Variants in IQCH observed in about 807,000 individuals in gnomAD.
IQCH encodes IQ motif containing H, also known as IQ domain-containing protein H.
IQCH carries 98 observed loss-of-function variants against 117.0 expected under a neutral mutation model. That is an observed-to-expected ratio of 0.84 (90% confidence interval 0.71 to 0.99). The LOEUF (loss-of-function observed/expected upper bound fraction) is 0.99, where lower values mean the gene tolerates loss of function less well. Among genes scored for constraint, IQCH ranks in the 50% least tolerant of loss-of-function variants. The pLI is 0.00. For missense variants in IQCH, 1,102 were observed against 1,243.8 expected (o/e 0.89, Z 1.72); for synonymous variants, 412 against 448.2 (o/e 0.92, Z 1.02).
chr15:67,368,925 A>T (rs1970426052), intron 8 of IQCH, among the ~76,000 whole-genome samples: 1 of 152,092 alleles, frequency 6.6e-6, no homozygotes, highest in Admixed American at 6.5e-5. Flanking sequence ...TCACTCTGTC[A>T]CCCAGGCTGG....
intron 1 of IQCH, 125 bp downstream of exon 1, chr15:67,255,072 G>T (rs1054264710): frequency 8.5e-6 from 8 of 940,082 alleles, no homozygotes; most frequent in Non-Finnish European, 1.4e-5. Flanking sequence ...TCCAACTCGC[G>T]AGAGGCTCCC....
intron 1 of IQCH, among the ~76,000 whole-genome samples, chr15:67,256,712 G>C (rs1855101300): frequency 6.6e-6 from 1 of 152,140 alleles, no homozygotes; most frequent in South Asian, 2.1e-4. Flanking sequence ...TATAGTAATA[G>C]ATAACTGTTG....
intron 4 of IQCH, among the ~76,000 whole-genome samples, chr15:67,312,848 T>C (rs1269213496): frequency 6.6e-6 from 1 of 152,184 alleles, no homozygotes; most frequent in Non-Finnish European, 1.5e-5. Context: ...GTTCTTGAGA[T>C]GAATAAATAC....
chr15:67,438,258 C>A (rs972012946), intron 16 of IQCH, among the ~76,000 whole-genome samples: 2 of 152,126 alleles, frequency 1.3e-5, no homozygotes, highest in Non-Finnish European at 2.9e-5. Flanking sequence ...CCTCCTCAAA[C>A]AAAACAATTA....
rs571037562 is a variant in IQCH at position 67,454,404 on chromosome 15, G to A, written c.2506-10723G>A. On this transcript the variant is annotated intron_variant, in intron 16 of 20. Transcript: ENST00000335894. The surrounding 1 kb of genome is among the most constrained non-coding windows in gnomAD (Gnocchi z 5.2). ...GATCTCTTGACCTTGTGATCCGCCC[G>A]CCTCGGCCTCCCAAAGTATTCAAAA... Among the ~76,000 whole-genome samples the A allele has an allele frequency of 1.2e-4, 19 of 152,256 alleles. No individual in the cohort carries two copies. The highest frequency in any genetic ancestry group is 2.0e-4 in the Admixed American group (3 of 15,282).
At chr15:67,298,308 T>TAA (rs71142368) in intron 4 of IQCH, among the ~76,000 whole-genome samples, 64 of 144,300 alleles carry the variant, frequency 4.4e-4, no homozygotes, top group Middle Eastern at 7.1e-3. Flanking sequence ...AGACTCGGTC[T>TAA]AAAAAAAAAA....
chr15:67,375,739 G>T (rs1426087107), intron 10 of IQCH, among the ~76,000 whole-genome samples: 1 of 151,178 alleles, frequency 6.6e-6, no homozygotes, highest in Non-Finnish European at 1.5e-5. Flanking sequence ...ATAATACCTG[G>T]GCTTTGATCA....
At chr15:67,448,644 T>C (rs2082446392) in intron 16 of IQCH, among the ~76,000 whole-genome samples, 1 of 152,152 alleles carries the variant, frequency 6.6e-6, no homozygotes, top group Non-Finnish European at 1.5e-5. Flanking sequence ...TTTAGGTTGG[T>C]TCCAAGTCTT....
In IQCH at chr15:67,373,436, A is replaced by G. The variant is rs778279671; in HGVS notation, c.1372+3A>G. ...TATTATCCATATCCCATCATTAGGT[A>G]TAACACTTTTGCCTGCAAATCTATC... On this transcript the variant is annotated splice_donor_region_variant and intron_variant, in intron 10 of 20. Transcript: ENST00000335894. The G allele has an allele frequency of 2.5e-5, 40 of 1,598,594 alleles. No homozygotes were observed. The highest frequency in any genetic ancestry group is 3.3e-5 in the Non-Finnish European group (38 of 1,166,190).
Position 67,467,324 on chromosome 15 carries a change from A to C in IQCH, c.2676+2027A>C, listed in dbSNP as rs1378356312. On this transcript the variant is annotated intron_variant, in intron 17 of 20. Coordinates refer to ENST00000335894, the MANE Select transcript of IQCH (RefSeq NM_001031715.3). This position sits in a 1 kb window ranked among gnomAD's most constrained non-coding sequence, Gnocchi z 5.7. ...AAGTATGTTGCTTCAGAAGGCTATC[A>C]GCAGAAGTTGTGCTTTGAGTGAGAA... Among the ~76,000 whole-genome samples, 1 of 152,262 alleles carries C rather than the reference A, an allele frequency of 6.6e-6. No homozygotes were observed. Among genetic ancestry groups the C allele is most frequent in the African/African-American group, 2.4e-5 (1 of 41,474 alleles).
At chr15:67,398,288 G>C (rs893886352) in intron 13 of IQCH, among the ~76,000 whole-genome samples, 1 of 152,082 alleles carries the variant, frequency 6.6e-6, no homozygotes, top group Non-Finnish European at 1.5e-5. Context: ...CTTCTGCAAA[G>C]TGTGATCATA....
intron 16 of IQCH, among the ~76,000 whole-genome samples, chr15:67,455,407 G>T (rs982936729): frequency 5.3e-5 from 8 of 152,180 alleles, no homozygotes; most frequent in Non-Finnish European, 1.2e-4. Flanking sequence ...GGTTTGAGGG[G>T]ACTGGACTAG....
At position 67,424,166 on chromosome 15, in the gene IQCH, C is replaced by T. The variant is rs2081826475; in HGVS notation, c.2505+2589C>T. The stretch of plus-strand genomic sequence containing the variant: ...AACTTGCCCTCTGTTTTGTTCTGGT[C>T]CATCCACACACCCTGTCTCATTCCC... On this transcript the variant is annotated intron_variant, in intron 16 of 20. Coordinates refer to ENST00000335894, the MANE Select transcript of IQCH (RefSeq NM_001031715.3). This position sits in a 1 kb window ranked among gnomAD's most constrained non-coding sequence, Gnocchi z 4.9. Among the ~76,000 whole-genome samples the T allele has an allele frequency of 6.6e-6, 1 of 152,154 alleles. No individual in the cohort carries two copies. Among genetic ancestry groups the T allele is most frequent in the Admixed American group, 6.5e-5 (1 of 15,276 alleles).
chr15:67,463,992 G>A lies in IQCH; in HGVS notation c.2506-1135G>A, dbSNP rs79301880. Among the ~76,000 whole-genome samples the A allele has an allele frequency of 0.023, 3,548 of 152,152 alleles. 120 individuals carry two copies. The highest frequency in any genetic ancestry group is 0.073 in the African/African-American group (3,009 of 41,478). The stretch of plus-strand genomic sequence containing the variant: ...CAAGTATCTGAGATTACAGGCGCAC[G>A]CCACCTTGCCCAGCTAACTTTTGTA... On this transcript the variant is annotated intron_variant, in intron 16 of 20. Coordinates refer to ENST00000335894, the MANE Select transcript of IQCH (RefSeq NM_001031715.3). The surrounding 1 kb of genome is among the most constrained non-coding windows in gnomAD (Gnocchi z 4.0).
At position 67,459,597 on chromosome 15, in the gene IQCH, T is replaced by C. The variant is rs1273756775; in HGVS notation, c.2506-5530T>C. ...CCCCACACAGAAGCATGTTGCTACATTGTCATCTCAAAGCTTGCGGTCCAG... is the reference window on the plus strand; with the variant it reads ...CCCCACACAGAAGCATGTTGCTACACTGTCATCTCAAAGCTTGCGGTCCAG... On this transcript the variant is annotated intron_variant, in intron 16 of 20. Transcript: ENST00000335894. This position sits in a 1 kb window ranked among gnomAD's most constrained non-coding sequence, Gnocchi z 4.2. 6.6e-6 allele frequency: 1 copy of C among 152,272 alleles called. No homozygotes were observed. Among genetic ancestry groups the C allele is most frequent in the Non-Finnish European group, 1.5e-5 (1 of 68,094 alleles). The allele number at this position is 152,272 out of a possible 1,614,324, so 9.4% of individuals were successfully genotyped here.
Position 67,369,781 on chromosome 15 carries a change from A to G in IQCH, c.754-2330A>G, listed in dbSNP as rs1472018313. ...TCAATGGATCTCACAATGCTGATGC[A>G]CTGCTTTAATTTGGGAAGCCTTTCT... is the stretch of plus-strand genomic sequence containing the variant. On this transcript the variant is annotated intron_variant, in intron 8 of 20. Coordinates refer to ENST00000335894, the MANE Select transcript of IQCH (RefSeq NM_001031715.3). The surrounding 1 kb of genome is among the most constrained non-coding windows in gnomAD (Gnocchi z 5.2). Among the ~76,000 whole-genome samples the G allele has an allele frequency of 6.6e-6, 1 of 152,142 alleles. No individual in the cohort carries two copies. The highest frequency in any genetic ancestry group is 1.5e-5 in the Non-Finnish European group (1 of 68,030).
In IQCH at chr15:67,390,140, A is replaced by C. The variant is rs1971237593; in HGVS notation, c.1632+1134A>C. Among the ~76,000 whole-genome samples, 1 of 152,202 alleles carries C rather than the reference A, an allele frequency of 6.6e-6. No homozygotes were observed. Among genetic ancestry groups the C allele is most frequent in the Non-Finnish European group, 1.5e-5 (1 of 68,030 alleles). ...AGGGGCTGGGGAAGCAAAAGAAAGG[A>C]CAAGTGACAAATCACTGCCGTTTAT... On this transcript the variant is annotated intron_variant, in intron 12 of 20. Transcript: ENST00000335894. The surrounding 1 kb of genome is among the most constrained non-coding windows in gnomAD (Gnocchi z 5.0).
rs372128475 is a variant in IQCH, at chr15:67,466,305, A to G, written c.2676+1008A>G. ...AAGGGGACCAGATGCCCTTTGTGCA[A>G]GAGTGTATTGGGGACTCTCTGGCCA... On this transcript the variant is annotated intron_variant, in intron 17 of 20. Transcript: ENST00000335894. This position sits in a 1 kb window ranked among gnomAD's most constrained non-coding sequence, Gnocchi z 4.4. Among the ~76,000 whole-genome samples, 25 of 152,198 alleles carry G rather than the reference A, an allele frequency of 1.6e-4. No individual in the cohort carries two copies. The highest frequency in any genetic ancestry group is 5.8e-4 in the African/African-American group (24 of 41,452).
At position 67,395,193 on chromosome 15, in the gene IQCH, C is replaced by A; in HGVS notation, c.1633-98C>A. The A allele has an allele frequency of 7.8e-7, 1 of 1,287,694 alleles. No individual in the cohort carries two copies. The highest frequency in any genetic ancestry group is 1.1e-6 in the Non-Finnish European group (1 of 933,978). 79.8% of individuals were successfully genotyped at this position (1,287,694 alleles called of 1,614,324 possible). A position where few individuals can be genotyped will look rare whatever the true frequency, so the allele number is the denominator to read the frequency against. ...ACAGGATAGGTCATAACCCAGCCTG[C>A]TATTAATAATGTATTTATTATGTGC... is the stretch of plus-strand genomic sequence containing the variant. On this transcript the variant is annotated intron_variant, in intron 12 of 20. Transcript: ENST00000335894. This position sits in a 1 kb window ranked among gnomAD's most constrained non-coding sequence, Gnocchi z 4.0.
Sources: allele counts gnomAD v4.1 joint callset (sites outside exome capture counted in the v4.1 genomes callset), GRCh38; gene constraint gnomAD v4.1.1; non-coding constraint Gnocchi (gnomAD v3.1); transcripts MANE v1.5; gene names NCBI Gene and HGNC (gene_info 2026-07-23, HGNC 2026-07-21).